EYA2: variants seen among roughly 807,000 people sequenced by gnomAD.
EYA2 encodes EYA transcriptional coactivator and phosphatase 2.
In EYA2, 31 loss-of-function variants were observed where a neutral mutation model predicts 69.2. That is an observed-to-expected ratio of 0.45 (90% confidence interval 0.34 to 0.60). The LOEUF is 0.60. EYA2 is among the 20% of genes least tolerant of loss of function. The pLI, the probability that EYA2 is intolerant of heterozygous loss-of-function variation, is 0.02. For synonymous variants in EYA2, 257 were observed against 279.4 expected (o/e 0.92, Z 0.80); for missense variants, 622 against 701.2 (o/e 0.89, Z 1.28).
intron 1 of EYA2, among the ~76,000 whole-genome samples, chr20:46,957,220 A>T (rs1380967287): frequency 2.0e-5 from 3 of 152,130 alleles, no homozygotes; most frequent in African/African-American, 7.2e-5. Context: ...TCAGCTCTTT[A>T]CCCCTGCGGG....
At chr20:47,160,155 G>A (rs1437552451) in intron 10 of EYA2, among the ~76,000 whole-genome samples, 1 of 152,204 alleles carries the variant, frequency 6.6e-6, no homozygotes, top group East Asian at 1.9e-4. Flanking sequence ...GCTGGCTGGA[G>A]ACTAGGCTGG....
chr20:47,133,360 G>C (rs544904952), intron 9 of EYA2, among the ~76,000 whole-genome samples: 1 of 152,228 alleles, frequency 6.6e-6, no homozygotes, highest in East Asian at 1.9e-4. Context: ...AGCCAGGGAT[G>C]GGTTATGAGA....
At chr20:46,948,017 T>C (rs1254430711) in intron 1 of EYA2, among the ~76,000 whole-genome samples, 1 of 149,614 alleles carries the variant, frequency 6.7e-6, no homozygotes, top group Non-Finnish European at 1.5e-5. Context: ...CTCAGGAGGC[T>C]GATGTGGGAG....
chr20:47,180,081 G>GGAGT (rs1343710346), intron 13 of EYA2, among the ~76,000 whole-genome samples, 169 bp downstream of exon 13: 1 of 152,098 alleles, frequency 6.6e-6, no homozygotes, highest in Non-Finnish European at 1.5e-5. Flanking sequence ...CGCCCAGGCT[G>GGAGT]GAGTGCAGTA....
chr20:47,007,782 A>AT (rs1293656915), intron 4 of EYA2, among the ~76,000 whole-genome samples: 2 of 150,838 alleles, frequency 1.3e-5, no homozygotes, highest in African/African-American at 2.4e-5. Flanking sequence ...CCCCTGGCTA[A>AT]TTTTTTTTTA....
At position 47,116,323 on chromosome 20, in the gene EYA2, G is replaced by A. The variant is rs189725030; in HGVS notation, c.888+19155G>A. Among the ~76,000 whole-genome samples, 89 of 151,864 alleles carry A rather than the reference G, an allele frequency of 5.9e-4. 1 individual carries two copies. The highest frequency in any genetic ancestry group is 4.8e-3 in the South Asian group (23 of 4,808). ...CTCTCGAGTAGCTGGGATGACAGGC[G>A]CCTGCCAATACGCCTAGCTAATTTT... On this transcript the variant is annotated intron_variant, in intron 9 of 15. Coordinates refer to ENST00000327619, the MANE Select transcript of EYA2 (RefSeq NM_005244.5).
rs568939073 is a variant in EYA2 at position 46,906,904 on chromosome 20, T to A, written c.-11+11917T>A. 1.4e-4 allele frequency among the ~76,000 whole-genome samples: 21 copies of A among 152,308 alleles called. No individual in the cohort carries two copies. The East Asian group carries it at 4.1e-3, about 29-fold the overall frequency. On this transcript the variant is annotated intron_variant, in intron 1 of 15. Transcript: ENST00000327619. Reference sequence around the variant, plus strand: ...AGAAGGGGCTGAAAGCGATGTTAAATCTCAGTTATAATTTTTCAGTTTCTT... The same window carrying A: ...AGAAGGGGCTGAAAGCGATGTTAAAACTCAGTTATAATTTTTCAGTTTCTT...
rs35639959 is a variant in EYA2 at position 47,169,101 on chromosome 20, TTCTC to T, written c.979-20_979-17del. 8.2e-4 allele frequency: 1,196 copies of T among 1,450,648 alleles called. 1 individual carries two copies. Among genetic ancestry groups the T allele is most frequent in the African/African-American group, 3.3e-3 (234 of 71,536 alleles). The allele number at this position is 1,450,648 out of a possible 1,614,324, so 89.9% of individuals were successfully genotyped here. ...GGCTACATCAGATTAACCAGGCATG[TTCTC>T]TCTCTCTCTCTCTCTCTGTCAAATT... On this transcript the variant is annotated intron_variant, in intron 10 of 15. Transcript: ENST00000327619.
chr20:47,182,551 C>T (rs1322585186), intron 14 of EYA2, among the ~76,000 whole-genome samples: 1 of 143,924 alleles, frequency 6.9e-6, no homozygotes, highest in African/African-American at 2.7e-5. Flanking sequence ...GTCGCTTGAA[C>T]CCAGGAGGCA....
At chr20:47,152,723 A>C (rs1295934032) in intron 10 of EYA2, among the ~76,000 whole-genome samples, 2 of 151,566 alleles carry the variant, frequency 1.3e-5, no homozygotes, top group Non-Finnish European at 2.9e-5. Context: ...AGGCACGAGA[A>C]TCACTCGAAC....
intron 10 of EYA2, among the ~76,000 whole-genome samples, chr20:47,167,939 G>A (rs550725791): frequency 6.6e-6 from 1 of 152,118 alleles, no homozygotes; most frequent in Non-Finnish European, 1.5e-5. Flanking sequence ...GGATCAGATC[G>A]CATGCTCATG....
At chr20:47,119,167 A>AAAAC (rs2032980960) in intron 9 of EYA2, among the ~76,000 whole-genome samples, 1 of 152,214 alleles carries the variant, frequency 6.6e-6, no homozygotes, top group Non-Finnish European at 1.5e-5. Flanking sequence ...CTTATTTCCC[A>AAAAC]ACAATAGTGT....
chr20:47,043,376 A>G lies in EYA2; in HGVS notation c.415+27079A>G, dbSNP rs376638311. ...AACATTCAGGCTGGGAAGAGTACAC[A>G]GGAGTCTCAGGAAGGAGGTGTCAGG... On this transcript the variant is annotated intron_variant, in intron 5 of 15. Transcript: ENST00000327619. Among the ~76,000 whole-genome samples the G allele has an allele frequency of 2.3e-4, 35 of 152,298 alleles. No homozygotes were observed. The South Asian group carries it at 6.6e-3, about 29-fold the overall frequency.
At chr20:46,943,190 G>A (rs1332962400) in intron 1 of EYA2, among the ~76,000 whole-genome samples, 1 of 152,218 alleles carries the variant, frequency 6.6e-6, no homozygotes, top group African/African-American at 2.4e-5. Flanking sequence ...CGTGCTGCGG[G>A]CGCCTAGTGG....
intron 9 of EYA2, 113 bp from the exon 10 acceptor site, chr20:47,142,946 G>A (rs535267246): frequency 1.6e-5 from 12 of 749,132 alleles, no homozygotes; most frequent in African/African-American, 3.5e-5. Context: ...CGCGTGAGCC[G>A]AGCAGATGAG....
chr20:46,939,992 T>C (rs1352305409), intron 1 of EYA2, among the ~76,000 whole-genome samples: 1 of 152,184 alleles, frequency 6.6e-6, no homozygotes, highest in Non-Finnish European at 1.5e-5. Flanking sequence ...AAGTGCTCAA[T>C]AAAATGTAGC....
Position 47,072,167 on chromosome 20 carries a change from T to C in EYA2, c.416-18T>C. On this transcript the variant is annotated intron_variant, in intron 5 of 15. Transcript: ENST00000327619. ...AGACAAGAACCCTAACCTGTACCCC[T>C]GTTCCTCCTTCCCACAGGCACAACA... 2 of 1,610,280 alleles carry C rather than the reference T, an allele frequency of 1.2e-6. No individual in the cohort carries two copies. Among genetic ancestry groups the C allele is most frequent in the Non-Finnish European group, 1.7e-6 (2 of 1,177,538 alleles).
At position 47,171,784 on chromosome 20, in the gene EYA2, G is replaced by A. The variant is rs991842156; in HGVS notation, c.1038-923G>A. Among the ~76,000 whole-genome samples the A allele has an allele frequency of 9.2e-5, 14 of 151,960 alleles. 1 individual carries two copies. Among genetic ancestry groups the A allele is most frequent in the African/African-American group, 2.4e-4 (10 of 41,368 alleles). On this transcript the variant is annotated intron_variant, in intron 11 of 15. Coordinates refer to ENST00000327619, the MANE Select transcript of EYA2 (RefSeq NM_005244.5). ...GGTAGCATCTGAGTTAATGGTGAGC[G>A]TTCACTTTTTCAAGAATAAATCTAT...
At chr20:46,996,849 T>C (rs1208791367) in intron 2 of EYA2, among the ~76,000 whole-genome samples, 1 of 150,840 alleles carries the variant, frequency 6.6e-6, no homozygotes, top group Non-Finnish European at 1.5e-5. Flanking sequence ...TTTCCATGGC[T>C]GGAGCAGGAG....
Sources: allele counts gnomAD v4.1 joint callset (sites outside exome capture counted in the v4.1 genomes callset), GRCh38; gene constraint gnomAD v4.1.1; transcripts MANE v1.5; gene names NCBI Gene and HGNC (gene_info 2026-07-23, HGNC 2026-07-21).